TANC2: variants seen among roughly 807,000 people sequenced by gnomAD.
The protein encoded by TANC2 is tetratricopeptide repeat, ankyrin repeat and coiled-coil containing 2.
A neutral mutation model predicts 210.5 loss-of-function variants in TANC2; 26 were observed. The ratio of observed to expected loss-of-function variants is 0.12; its 90% CI spans 0.09 to 0.17. TANC2 has a LOEUF of 0.17. Ranked by LOEUF, TANC2 falls within the 10% of genes least tolerant of loss-of-function variation. TANC2 has a pLI of 1.00. For synonymous variants in TANC2, 931 were observed against 967.1 expected, an observed-to-expected ratio of 0.96 and a Z score of 0.69; for missense variants, 2,129 against 2,608.9, an observed-to-expected ratio of 0.82 and a Z score of 4.01.
intron 11 of TANC2, chr17:63,331,850 G>GTGTGTC: frequency 6.4e-6 from 1 of 155,112 alleles, no homozygotes; most frequent in Non-Finnish European, 1.3e-5. Context: ...GTGTGTGTGT[G>GTGTGTC]TGTGTCTGTG....
At chr17:63,285,084 T>C (rs941050124) in intron 9 of TANC2, among the ~76,000 whole-genome samples, 1 of 152,172 alleles carries the variant, frequency 6.6e-6, no homozygotes, top group African/African-American at 2.4e-5. Context: ...TTAGTTATCT[T>C]TGTCCATACC....
chr17:63,198,093 T>C (rs1418329657), intron 6 of TANC2, among the ~76,000 whole-genome samples: 2 of 152,236 alleles, frequency 1.3e-5, no homozygotes. Flanking sequence ...ATATTATGCA[T>C]ATAATATGAT....
intron 14 of TANC2, among the ~76,000 whole-genome samples, chr17:63,371,095 G>A (rs956988468): frequency 3.9e-5 from 6 of 152,080 alleles, no homozygotes; most frequent in Non-Finnish European, 8.8e-5. Flanking sequence ...TATAAGATAG[G>A]CTTTAGATTA....
At chr17:63,066,624 G>A (rs180946534) in intron 2 of TANC2, among the ~76,000 whole-genome samples, 3 of 152,034 alleles carry the variant, frequency 2.0e-5, no homozygotes, top group Non-Finnish European at 4.4e-5. Context: ...CCCAACCCCC[G>A]ACCTTAGTGG....
rs141114180 is a variant in TANC2, at chr17:63,243,023, A to G, written c.1033+4946A>G. 2.1e-3 allele frequency among the ~76,000 whole-genome samples: 313 copies of G among 152,282 alleles called. 5 individuals carry two copies. Among genetic ancestry groups the G allele is most frequent in the Non-Finnish European group, 8.1e-4 (55 of 68,018 alleles). ...AATTAGGGCTCAGGAAAGTGGCACA[A>G]TGTTGATCCTCTGGCTACTGCTATT... On this transcript the variant is annotated intron_variant, in intron 8 of 27. Coordinates refer to ENST00000689528, the Ensembl canonical transcript of TANC2.
intron 2 of TANC2, among the ~76,000 whole-genome samples, chr17:63,044,462 AGTATT>A (rs1475677644): frequency 3.3e-5 from 5 of 152,112 alleles, no homozygotes; most frequent in African/African-American, 1.2e-4. Context: ...TGTATTGTAT[AGTATT>A]CTATTTTATG....
At chr17:62,976,379 G>A (rs1490265993) in intron 1 of TANC2, among the ~76,000 whole-genome samples, 2 of 151,190 alleles carry the variant, frequency 1.3e-5, no homozygotes, top group East Asian at 3.9e-4. Flanking sequence ...CAGGTTGACA[G>A]CTTTTTGTAA....
intron 5 of TANC2, among the ~76,000 whole-genome samples, chr17:63,181,991 G>T (rs1218429294): frequency 6.6e-6 from 1 of 152,164 alleles, no homozygotes; most frequent in African/African-American, 2.4e-5. Flanking sequence ...CTTGTGTTCT[G>T]GCTGTCATTT....
intron 2 of TANC2, among the ~76,000 whole-genome samples, chr17:63,061,582 T>C (rs1022797501): frequency 4.6e-5 from 7 of 152,174 alleles, no homozygotes; most frequent in African/African-American, 1.4e-4. Flanking sequence ...TGTCTATGTA[T>C]GCATATATGC....
chr17:63,251,851 A>G (rs2043061772), intron 8 of TANC2, among the ~76,000 whole-genome samples: 1 of 152,156 alleles, frequency 6.6e-6, no homozygotes, highest in Admixed American at 6.5e-5. Flanking sequence ...TCTGAAATTG[A>G]GAAATGTGCT....
At position 63,372,373 on chromosome 17, in the gene TANC2, GA is replaced by G. The variant is rs1385362050; in HGVS notation, c.2583-7343del. Among the ~76,000 whole-genome samples, 3 of 152,138 alleles carry G rather than the reference GA, an allele frequency of 2.0e-5. No homozygotes were observed. The East Asian group carries it at 5.8e-4, about 29-fold the overall frequency. ...TGCAAAGGTAGTAGGGTACAGTGTG[GA>G]AGGGTAAGGATCAGGGTTAAGGACA... On this transcript the variant is annotated intron_variant, in intron 14 of 27. Transcript: ENST00000689528.
intron 9 of TANC2, among the ~76,000 whole-genome samples, chr17:63,311,709 C>A (rs2045130768): frequency 6.6e-6 from 1 of 152,122 alleles, no homozygotes; most frequent in African/African-American, 2.4e-5. Context: ...CAGCATTAAT[C>A]AGCCAAAAAG....
At chr17:63,215,804 C>T (rs542307196) in intron 7 of TANC2, among the ~76,000 whole-genome samples, 2 of 151,122 alleles carry the variant, frequency 1.3e-5, no homozygotes, top group African/African-American at 4.9e-5. Flanking sequence ...GGCTGGAGTT[C>T]AGTGGTGTGG....
At chr17:63,031,187 G>C (rs1447098698) in intron 2 of TANC2, among the ~76,000 whole-genome samples, 2 of 151,990 alleles carry the variant, frequency 1.3e-5, no homozygotes, top group Non-Finnish European at 2.9e-5. Flanking sequence ...GAATAGGAGT[G>C]GATGGGAGAT....
intron 14 of TANC2, among the ~76,000 whole-genome samples, chr17:63,369,553 C>CTTT (rs36014004): frequency 3.7e-4 from 49 of 131,198 alleles, no homozygotes; most frequent in African/African-American, 1.2e-3. Flanking sequence ...ATAATTTCAG[C>CTTT]TTTTTTTTTT....
chr17:63,342,613 A>G (rs573982464), intron 12 of TANC2, among the ~76,000 whole-genome samples: 1 of 152,190 alleles, frequency 6.6e-6, no homozygotes, highest in East Asian at 1.9e-4. Context: ...CATCTCTACT[A>G]AAAATACAAA....
At chr17:63,054,005 T>G (rs1185967280) in intron 2 of TANC2, among the ~76,000 whole-genome samples, 1 of 152,208 alleles carries the variant, frequency 6.6e-6, no homozygotes, top group Non-Finnish European at 1.5e-5. Flanking sequence ...CTCTTCCCCT[T>G]CAGCAGTAGA....
At chr17:63,037,959 C>CT (rs1226491829) in intron 2 of TANC2, among the ~76,000 whole-genome samples, 4 of 151,814 alleles carry the variant, frequency 2.6e-5, no homozygotes, top group Non-Finnish European at 2.9e-5. Context: ...ACAATAATGT[C>CT]TTTTGATAAT....
intron 8 of TANC2, among the ~76,000 whole-genome samples, chr17:63,246,861 A>T (rs2146122184): frequency 6.6e-6 from 1 of 152,244 alleles, no homozygotes; most frequent in Middle Eastern, 3.4e-3. Flanking sequence ...TGGTAAGCTT[A>T]TATTTAACTT....
Sources: allele counts gnomAD v4.1 joint callset (sites outside exome capture counted in the v4.1 genomes callset), GRCh38; gene constraint gnomAD v4.1.1; transcripts MANE v1.5; gene names NCBI Gene and HGNC (gene_info 2026-07-23, HGNC 2026-07-21).